Variants in CCDC149 observed in about 807,000 individuals in gnomAD.
CCDC149 encodes coiled-coil domain containing 149, also known as coiled-coil domain-containing protein 149.
A neutral mutation model predicts 59.9 loss-of-function variants in CCDC149; 45 were observed. The ratio of observed to expected loss-of-function variants is 0.75; its 90% CI spans 0.59 to 0.96. The LOEUF (loss-of-function observed/expected upper bound fraction) is 0.96, where lower values mean the gene tolerates loss of function less well. Ranked by LOEUF, CCDC149 falls within the 40% of genes least tolerant of loss-of-function variation. The pLI is 0.00. For missense variants in CCDC149, 584 were observed against 664.7 expected, an observed-to-expected ratio of 0.88 and a Z score of 1.33; for synonymous variants, 245 against 260.6, an observed-to-expected ratio of 0.94 and a Z score of 0.58.
At chr4:24,943,555 A>G (rs1723011084) in intron 1 of CCDC149, among the ~76,000 whole-genome samples, 1 of 152,250 alleles carries the variant, frequency 6.6e-6, no homozygotes, top group Non-Finnish European at 1.5e-5. Flanking sequence ...CAAAAGCCAA[A>G]ATTGACAAAT....
At chr4:24,883,276 T>C (rs1197168751) in intron 1 of CCDC149, among the ~76,000 whole-genome samples, 1 of 152,080 alleles carries the variant, frequency 6.6e-6, no homozygotes, top group Non-Finnish European at 1.5e-5. Flanking sequence ...AGGGTAATTA[T>C]TGTTTCCTGA....
intron 1 of CCDC149, among the ~76,000 whole-genome samples, chr4:24,893,542 C>T (rs995357233): frequency 1.4e-5 from 2 of 145,676 alleles, no homozygotes; most frequent in African/African-American, 5.0e-5. Context: ...GTAAGCAGTA[C>T]ATCAGGGCAT....
intron 1 of CCDC149, among the ~76,000 whole-genome samples, chr4:24,947,606 C>T (rs567180930): frequency 4.6e-5 from 7 of 152,282 alleles, no homozygotes; most frequent in African/African-American, 1.7e-4. Flanking sequence ...CACGTCTATC[C>T]TCCTCTTCCA....
intron 1 of CCDC149, among the ~76,000 whole-genome samples, chr4:24,971,930 A>G (rs952077163): frequency 6.6e-6 from 1 of 152,258 alleles, no homozygotes; most frequent in Non-Finnish European, 1.5e-5. Context: ...TCTATTGAAA[A>G]TAAGTCAACC....
At chr4:24,858,436 T>G (rs17554520) in intron 3 of CCDC149, among the ~76,000 whole-genome samples, 11,810 of 152,274 alleles carry the variant, frequency 0.078, 474 homozygotes, top group Middle Eastern at 0.095. Flanking sequence ...AGAGCCAACA[T>G]TAAAGGTTGA....
intron 1 of CCDC149, among the ~76,000 whole-genome samples, chr4:24,933,560 T>G (rs1436833355): frequency 6.6e-6 from 1 of 152,200 alleles, no homozygotes; most frequent in Non-Finnish European, 1.5e-5. Context: ...GAAATATTTA[T>G]TAAGTCCTGA....
intron 1 of CCDC149, among the ~76,000 whole-genome samples, chr4:24,931,944 A>G (rs1722607727): frequency 6.6e-6 from 1 of 150,814 alleles, no homozygotes; most frequent in Non-Finnish European, 1.5e-5. Flanking sequence ...TTAAATCCTC[A>G]TAGTAACCCT....
intron 1 of CCDC149, among the ~76,000 whole-genome samples, chr4:24,898,782 G>C (rs923197049): frequency 1.3e-5 from 2 of 152,192 alleles, no homozygotes; most frequent in South Asian, 2.1e-4. Context: ...AGAGAAGTGG[G>C]AGACCCAAGG....
chr4:24,979,442 G>A (rs941848951), intron 1 of CCDC149, among the ~76,000 whole-genome samples: 2 of 152,218 alleles, frequency 1.3e-5, no homozygotes, highest in African/African-American at 4.8e-5. Context: ...ATGGAGAGAA[G>A]TGGGGTCCTT....
chr4:24,879,235 G>A (rs1414883945), intron 1 of CCDC149, among the ~76,000 whole-genome samples: 1 of 152,150 alleles, frequency 6.6e-6, no homozygotes, highest in Non-Finnish European at 1.5e-5. Flanking sequence ...ACTGCTCTCT[G>A]CCAGGCACGG....
intron 1 of CCDC149, among the ~76,000 whole-genome samples, chr4:24,918,324 G>A (rs577225988): frequency 6.6e-6 from 1 of 152,276 alleles, no homozygotes; most frequent in East Asian, 1.9e-4. Context: ...GTGAAAAGGT[G>A]GCATTTCATA....
At chr4:24,903,131 T>C (rs1241455889) in intron 1 of CCDC149, among the ~76,000 whole-genome samples, 2 of 149,944 alleles carry the variant, frequency 1.3e-5, no homozygotes, top group East Asian at 4.0e-4. Flanking sequence ...CTCCCCCATA[T>C]ATCTCTCCCC....
chr4:24,851,229 ACACT>A (rs1717634041), intron 4 of CCDC149, among the ~76,000 whole-genome samples: 1 of 152,166 alleles, frequency 6.6e-6, no homozygotes, highest in African/African-American at 2.4e-5. Context: ...TCTCTCACAC[ACACT>A]AACACACTCA....
chr4:24,850,129 CT>C (rs374547751), intron 4 of CCDC149, among the ~76,000 whole-genome samples: 22 of 151,866 alleles, frequency 1.4e-4, no homozygotes, highest in African/African-American at 5.1e-4. Flanking sequence ...TTCTTGCATA[CT>C]TTTTTTTTCT....
Position 24,876,634 on chromosome 4 carries a change from G to C in CCDC149, c.127C>G (p.Leu43Val). 1 of 1,614,112 alleles carries C rather than the reference G, an allele frequency of 6.2e-7. No individual in the cohort carries two copies. The highest frequency in any genetic ancestry group is 8.5e-7 in the Non-Finnish European group (1 of 1,180,016). Reference sequence around the variant, plus strand: ...TCCCTTTCCTGTTGACAGGTGTCCAGCTCCTTGGAGAGGATCAGCAGGGCT... The same window carrying C: ...TCCCTTTCCTGTTGACAGGTGTCCACCTCCTTGGAGAGGATCAGCAGGGCT... The change falls in exon 2 of 13, where the codon CTG becomes GTG. Residue 43 changes from leucine to valine, a missense_variant. Physicochemically the swap from Leu to Val is conservative, Grantham distance 32. Transcript: ENST00000635206.
chr4:24,866,297 G>A (rs533820077), intron 3 of CCDC149, among the ~76,000 whole-genome samples: 19 of 152,026 alleles, frequency 1.2e-4, no homozygotes, highest in Non-Finnish European at 2.1e-4. Flanking sequence ...TTCGTGGTAC[G>A]TCTGCTTGAA....
intron 1 of CCDC149, among the ~76,000 whole-genome samples, chr4:24,945,440 C>T (rs1284589738): frequency 1.3e-5 from 2 of 152,026 alleles, no homozygotes; most frequent in Non-Finnish European, 2.9e-5. Context: ...TAAGGAAAAC[C>T]AATGAATTGC....
intron 3 of CCDC149, among the ~76,000 whole-genome samples, chr4:24,863,777 T>A (rs1479274071): frequency 6.6e-6 from 1 of 152,262 alleles, no homozygotes; most frequent in Admixed American, 6.5e-5. Context: ...AAACCTTTCA[T>A]AAGCAACTTC....
At chr4:24,936,994 G>A (rs986186858) in intron 1 of CCDC149, among the ~76,000 whole-genome samples, 8 of 152,312 alleles carry the variant, frequency 5.3e-5, no homozygotes, top group South Asian at 2.1e-4. Flanking sequence ...GCAGTGGGCC[G>A]TGCCCATGGC....
Sources: gnomAD v4.1 joint callset for allele counts (sites outside exome capture counted in the v4.1 genomes callset) on GRCh38, gnomAD v4.1.1 for gene constraint, MANE v1.5 for transcripts, NCBI Gene and HGNC (gene_info 2026-07-23, HGNC 2026-07-21) for gene names.